NDUFA8: variants seen among roughly 807,000 people sequenced by gnomAD.
The protein encoded by NDUFA8 is NADH:ubiquinone oxidoreductase subunit A8, also known as NADH dehydrogenase [ubiquinone] 1 alpha subcomplex subunit 8.
Under a neutral mutation model 20.9 loss-of-function variants are expected in NDUFA8, and 16 were observed. The observed-to-expected ratio is 0.77, with a 90% CI of 0.52 to 1.16. The LOEUF is 1.16. NDUFA8 is among the 50% of genes most tolerant of loss of function. The probability of loss-of-function intolerance (pLI) is 0.00; values close to 1 mark genes in which losing one functional copy is unlikely to be tolerated. For synonymous variants in NDUFA8, 70 were observed against 76.1 expected (o/e 0.92, Z 0.41); for missense variants, 202 against 216.4 (o/e 0.93, Z 0.42).
chr9:122,155,956 G>A (rs188577361), intron 1 of NDUFA8, among the ~76,000 whole-genome samples: 124 of 152,278 alleles, frequency 8.1e-4, no homozygotes, highest in East Asian at 7.5e-3. Context: ...AGTCTGTTTC[G>A]TAATTAATGA....
chr9:122,159,556 A>AG, intron 1 of NDUFA8, 71 bp downstream of exon 1: 3 of 1,586,692 alleles, frequency 1.9e-6, no homozygotes, highest in Non-Finnish European at 1.7e-6. Flanking sequence ...GCGGAGCCCA[A>AG]GGGGGGCTAG....
the NDUFA8 span, among the ~76,000 whole-genome samples, chr9:122,138,271 T>G: frequency 6.6e-6 from 1 of 152,222 alleles, no homozygotes; most frequent in African/African-American, 2.4e-5. Flanking sequence ...AATACTGGCA[T>G]GCAATTTATA....
downstream of NDUFA8, among the ~76,000 whole-genome samples, chr9:122,139,400 G>A (rs1174961289): frequency 6.6e-6 from 1 of 152,098 alleles, no homozygotes; most frequent in Non-Finnish European, 1.5e-5. Context: ...TCCTTCTCAG[G>A]ATTTATCACA....
At chr9:122,149,847 C>G (rs1012631483) in intron 2 of NDUFA8, among the ~76,000 whole-genome samples, 1 of 152,076 alleles carries the variant, frequency 6.6e-6, no homozygotes, top group Non-Finnish European at 1.5e-5. Context: ...ATCCCAGCTA[C>G]TCAGGTGGCT....
At chr9:122,145,241 A>G (rs566740978) in intron 3 of NDUFA8, among the ~76,000 whole-genome samples, 92 of 152,328 alleles carry the variant, frequency 6.0e-4, no homozygotes, top group African/African-American at 2.1e-3. Context: ...GTAGGCTGGG[A>G]AGTGTGAAAG....
chr9:122,139,945 A>C (rs1271277158), downstream of NDUFA8, among the ~76,000 whole-genome samples: 2 of 152,172 alleles, frequency 1.3e-5, no homozygotes, highest in Non-Finnish European at 2.9e-5. Context: ...TGCCTGCCTC[A>C]GCCTCCCAAA....
intron 3 of NDUFA8, 103 bp downstream of exon 3, chr9:122,148,009 T>G (rs1199403120): frequency 1.5e-6 from 2 of 1,358,510 alleles, no homozygotes; most frequent in Non-Finnish European, 2.1e-6. Context: ...TCTGGTAAGT[T>G]CTTACATCAT....
intron 1 of NDUFA8, among the ~76,000 whole-genome samples, chr9:122,159,224 AC>A (rs1390850377): frequency 3.3e-5 from 5 of 152,072 alleles, no homozygotes; most frequent in African/African-American, 1.2e-4. Context: ...CACCGGTGAT[AC>A]CACTTTAAGG....
chr9:122,150,271 G>A (rs12342710), intron 2 of NDUFA8, among the ~76,000 whole-genome samples: 47,492 of 151,692 alleles, frequency 0.31, 11,084 homozygotes, highest in African/African-American at 0.66. Context: ...TTAGCTGGGC[G>A]TGGTACTGGG....
intron 2 of NDUFA8, among the ~76,000 whole-genome samples, chr9:122,149,413 T>C (rs541097554): frequency 1.3e-5 from 2 of 152,324 alleles, no homozygotes; most frequent in African/African-American, 2.4e-5. Context: ...AATGGGAGTT[T>C]TATATTCCTC....
At chr9:122,157,522 G>A (rs1402553143) in intron 1 of NDUFA8, among the ~76,000 whole-genome samples, 1 of 152,172 alleles carries the variant, frequency 6.6e-6, no homozygotes, top group Non-Finnish European at 1.5e-5. Flanking sequence ...TTATTCGTAT[G>A]TTCATTCAAT....
In NDUFA8 at chr9:122,159,731, T is replaced by C; in HGVS notation, c.-54A>G. 2 of 1,612,634 alleles carry C rather than the reference T, an allele frequency of 1.2e-6. No homozygotes were observed. Among genetic ancestry groups the C allele is most frequent in the Non-Finnish European group, 8.5e-7 (1 of 1,179,116 alleles). On this transcript the variant is annotated 5_prime_UTR_variant, in exon 1 of 4. Coordinates refer to ENST00000373768, the MANE Select transcript of NDUFA8 (RefSeq NM_014222.3). Reference sequence around the variant, plus strand: ...AGCCCTCAGCCGCGTCGCCCCCGTCTCCTTGAACTCCCCTTTCGACCGCCG... The same window carrying C: ...AGCCCTCAGCCGCGTCGCCCCCGTCCCCTTGAACTCCCCTTTCGACCGCCG...
At chr9:122,154,089 T>C (rs1467669595) in intron 1 of NDUFA8, among the ~76,000 whole-genome samples, 1 of 152,208 alleles carries the variant, frequency 6.6e-6, no homozygotes, top group African/African-American at 2.4e-5. Context: ...CTGAGTGGTC[T>C]GTGTGTGACT....
At chr9:122,158,793 A>G (rs573396043) in intron 1 of NDUFA8, among the ~76,000 whole-genome samples, 22 of 143,224 alleles carry the variant, frequency 1.5e-4, no homozygotes, top group African/African-American at 5.4e-4. Context: ...GTGTGTATAT[A>G]TATGTGTATG....
chr9:122,155,111 C>T (rs749397755), intron 1 of NDUFA8, among the ~76,000 whole-genome samples: 1 of 152,246 alleles, frequency 6.6e-6, no homozygotes, highest in East Asian at 1.9e-4. Context: ...GACCGAGTTT[C>T]GCTCTTGTCC....
chr9:122,140,693 A>G (rs1364468919), downstream of NDUFA8, among the ~76,000 whole-genome samples: 1 of 152,198 alleles, frequency 6.6e-6, no homozygotes, highest in Non-Finnish European at 1.5e-5. Flanking sequence ...GTGTTACTCA[A>G]ATACAGTCTT....
At chr9:122,150,827 C>G (rs935082075) in intron 2 of NDUFA8, among the ~76,000 whole-genome samples, 2 of 151,894 alleles carry the variant, frequency 1.3e-5, no homozygotes, top group Non-Finnish European at 2.9e-5. Flanking sequence ...AAAAAATTAG[C>G]CAGGCATAGT....
downstream of NDUFA8, among the ~76,000 whole-genome samples, chr9:122,142,431 CA>C (rs1414132274): frequency 6.6e-6 from 1 of 152,116 alleles, no homozygotes; most frequent in Non-Finnish European, 1.5e-5. Context: ...CACTACACAC[CA>C]ATTACAACAG....
downstream of NDUFA8, chr9:122,143,937 C>A (rs1428120453): frequency 1.6e-6 from 1 of 616,906 alleles, no homozygotes; most frequent in Non-Finnish European, 2.4e-6. Context: ...GGATCCCCAG[C>A]CACATGAGCG....
Sources: gnomAD v4.1 joint callset for allele counts (sites outside exome capture counted in the v4.1 genomes callset) on GRCh38, gnomAD v4.1.1 for gene constraint, MANE v1.5 for transcripts, NCBI Gene and HGNC (gene_info 2026-07-23, HGNC 2026-07-21) for gene names.